VWA3B: variants seen among roughly 807,000 people sequenced by gnomAD.
The protein encoded by VWA3B is von Willebrand factor A domain containing 3B.
A neutral mutation model predicts 158.3 loss-of-function variants in VWA3B; 138 were observed. The ratio of observed to expected loss-of-function variants is 0.87; its 90% confidence interval spans 0.76 to 1.00. The LOEUF (loss-of-function observed/expected upper bound fraction) is 1.00, where lower values mean the gene tolerates loss of function less well. Ranked by LOEUF, VWA3B falls within the 50% of genes least tolerant of loss-of-function variation. The probability of loss-of-function intolerance (pLI) is 0.00; values close to 1 mark genes in which losing one functional copy is unlikely to be tolerated. For synonymous variants in VWA3B, 596 were observed against 587.3 expected, an observed-to-expected ratio of 1.01 and a Z score of -0.21; for missense variants, 1,555 against 1,565.1, an observed-to-expected ratio of 0.99 and a Z score of 0.11.
At chr2:98,318,877 T>C in the VWA3B span, among the ~76,000 whole-genome samples, 4 of 152,222 alleles carry the variant, frequency 2.6e-5, no homozygotes, top group African/African-American at 9.6e-5. Flanking sequence ...ACTTAAGAGA[T>C]TGGTTCCAGC....
At chr2:98,138,784 G>A (rs778397295) in intron 7 of VWA3B, among the ~76,000 whole-genome samples, 16 of 152,222 alleles carry the variant, frequency 1.1e-4, no homozygotes, top group Non-Finnish European at 1.9e-4. Flanking sequence ...ACCTGGGTAC[G>A]TGGCGGTTGT....
At chr2:98,248,250 AAATTT>A (rs1294353084) in intron 19 of VWA3B, among the ~76,000 whole-genome samples, 2 of 152,170 alleles carry the variant, frequency 1.3e-5, no homozygotes, top group Non-Finnish European at 2.9e-5. Context: ...GATGGCTCAT[AAATTT>A]AATTTATTAT....
intron 26 of VWA3B, among the ~76,000 whole-genome samples, chr2:98,309,693 T>G (rs1419900402): frequency 6.6e-6 from 1 of 152,220 alleles, no homozygotes; most frequent in East Asian, 1.9e-4. Flanking sequence ...TGATTGAAAC[T>G]TCAAGATTCA....
chr2:98,087,814 TCA>T (rs1221198681), intron 1 of VWA3B, among the ~76,000 whole-genome samples: 19 of 152,320 alleles, frequency 1.2e-4, no homozygotes, highest in Non-Finnish European at 7.3e-5. Context: ...CACAATCATA[TCA>T]GTTTCTTTCA....
intron 22 of VWA3B, among the ~76,000 whole-genome samples, chr2:98,286,463 T>TA (rs371809336): frequency 2.9e-3 from 447 of 152,278 alleles, no homozygotes; most frequent in African/African-American, 0.01. Flanking sequence ...GTTGAGTTTT[T>TA]ATCATAAAAG....
intron 24 of VWA3B, 53 bp from the exon 25 acceptor site, chr2:98,300,026 C>T: frequency 6.2e-7 from 1 of 1,608,014 alleles, no homozygotes; most frequent in East Asian, 2.2e-5. Context: ...CTTATGTTAA[C>T]ATTGTCTGTA....
chr2:98,294,203 C>CAAAAAAAAAAAA (rs751689571), intron 23 of VWA3B, among the ~76,000 whole-genome samples: 3 of 56,296 alleles, frequency 5.3e-5, no homozygotes, highest in African/African-American at 8.7e-5. Flanking sequence ...CACACACACA[C>CAAAAAAAAAAAA]AAAAAAAAAA....
At chr2:98,238,725 G>A (rs1046517028) in intron 19 of VWA3B, among the ~76,000 whole-genome samples, 8 of 152,208 alleles carry the variant, frequency 5.3e-5, no homozygotes, top group Non-Finnish European at 1.0e-4. Flanking sequence ...AAAAATACCT[G>A]CAACATACAT....
chr2:98,215,611 G>A (rs966530761), intron 13 of VWA3B, among the ~76,000 whole-genome samples: 7 of 150,216 alleles, frequency 4.7e-5, no homozygotes, highest in African/African-American at 1.5e-4. Flanking sequence ...TCCACCTCCC[G>A]GGTTCACGCC....
At chr2:98,102,935 A>G (rs1170265393) in intron 2 of VWA3B, among the ~76,000 whole-genome samples, 1 of 152,260 alleles carries the variant, frequency 6.6e-6, no homozygotes, top group Non-Finnish European at 1.5e-5. Flanking sequence ...CATAATGCCA[A>G]TTTGGAAAAT....
rs771411425 is a variant in VWA3B, at chr2:98,093,243, A to C, written c.151A>C (p.Thr51Pro). Residue 51 changes from threonine (T) to proline (P), a missense_variant, in exon 2 of 28, where the codon ACC (threonine) becomes CCC (proline). By Grantham distance (38) the Thr-to-Pro change is conservative (BLOSUM62 -1). Transcript: ENST00000477737. ...QLHGLKSNKL[T>P]LKQILSQIGF... Reference sequence around the variant, plus strand: ...GCATGGGCTTAAGAGCAACAAATTGACCTTGAAACAGATTTTGTCACAGAT... The same window carrying C: ...GCATGGGCTTAAGAGCAACAAATTGCCCTTGAAACAGATTTTGTCACAGAT... 1 of 1,614,106 alleles carries C rather than the reference A, an allele frequency of 6.2e-7. No homozygotes were observed. Among genetic ancestry groups the C allele is most frequent in the Non-Finnish European group, 8.5e-7 (1 of 1,179,994 alleles).
At chr2:98,281,292 T>C (rs1179711499) in intron 22 of VWA3B, among the ~76,000 whole-genome samples, 1 of 152,178 alleles carries the variant, frequency 6.6e-6, no homozygotes, top group Non-Finnish European at 1.5e-5. Context: ...CAGAGACAGT[T>C]TGCAAATGTC....
At position 98,162,993 on chromosome 2, in the gene VWA3B, G is replaced by A; in HGVS notation, c.1114+17G>A. The A allele has an allele frequency of 1.2e-6, 2 of 1,613,604 alleles. No individual in the cohort carries two copies. The highest frequency in any genetic ancestry group is 1.7e-6 in the Non-Finnish European group (2 of 1,179,724). ...TGGACTGCGGTTGGTGCTATTTCTG[G>A]TCACTGGTGTAAAAGATTCATAAAT... On this transcript the variant is annotated intron_variant, in intron 8 of 27. Transcript: ENST00000477737.
At chr2:98,180,167 C>CT (rs1680440454) in intron 8 of VWA3B, among the ~76,000 whole-genome samples, 1 of 122,754 alleles carries the variant, frequency 8.1e-6, no homozygotes, top group African/African-American at 3.0e-5. Context: ...TTCTTTTCTT[C>CT]TCTCTCTCTC....
intron 24 of VWA3B, among the ~76,000 whole-genome samples, chr2:98,298,513 T>C (rs1689984619): frequency 6.6e-6 from 1 of 151,902 alleles, no homozygotes; most frequent in Non-Finnish European, 1.5e-5. Context: ...TATTACATAA[T>C]AACAAGGGCA....
chr2:98,224,270 AAAG>A, intron 14 of VWA3B, among the ~76,000 whole-genome samples: 1 of 151,290 alleles, frequency 6.6e-6, no homozygotes, highest in East Asian at 1.9e-4. Context: ...ACCAGAAAGA[AAAG>A]AAGAAAGAGC....
chr2:98,111,340 C>A (rs1035677815), intron 2 of VWA3B, among the ~76,000 whole-genome samples: 15 of 152,206 alleles, frequency 9.9e-5, no homozygotes, highest in Non-Finnish European at 2.2e-4. Flanking sequence ...TATATATAAA[C>A]CACATTTTAA....
rs185281992 is a variant in VWA3B, at chr2:98,125,765, G to A, written c.703-2474G>A. ...TGCAAGCTCCGCCTCCCAGGTTCAC[G>A]CCATTCTCCTGCCTCAGCCTCCCCA... On this transcript the variant is annotated intron_variant, in intron 5 of 27. Transcript: ENST00000477737. This position sits in a 1 kb window ranked among gnomAD's most constrained non-coding sequence, Gnocchi z 4.1. 2.6e-5 allele frequency among the ~76,000 whole-genome samples: 4 copies of A among 152,222 alleles called. No individual in the cohort carries two copies. The East Asian group carries it at 7.7e-4, about 29-fold the overall frequency.
intron 22 of VWA3B, among the ~76,000 whole-genome samples, chr2:98,280,734 A>G (rs1051527980): frequency 1.3e-5 from 2 of 152,052 alleles, no homozygotes; most frequent in Non-Finnish European, 2.9e-5. Flanking sequence ...GAGGCGGGGG[A>G]AAACCTCACA....
Sources: gnomAD v4.1 joint callset for allele counts (sites outside exome capture counted in the v4.1 genomes callset) on GRCh38, gnomAD v4.1.1 for gene constraint, Gnocchi (gnomAD v3.1) non-coding constraint, MANE v1.5 for transcripts, NCBI Gene and HGNC (gene_info 2026-07-23, HGNC 2026-07-21) for gene names.